MAP3K2: variants seen among roughly 807,000 people sequenced by gnomAD.
The protein encoded by MAP3K2 is mitogen-activated protein kinase kinase kinase 2.
In MAP3K2, 24 loss-of-function variants were observed where a neutral mutation model predicts 80.3. The observed-to-expected ratio is 0.30, with a 90% CI of 0.22 to 0.42. The LOEUF (loss-of-function observed/expected upper bound fraction) is 0.42, where lower values mean the gene tolerates loss of function less well. Among genes scored for constraint, MAP3K2 ranks in the 10% least tolerant of loss-of-function variants. MAP3K2 has a pLI of 1.00. For missense variants in MAP3K2, 608 were observed against 750.1 expected (o/e 0.81, Z 2.21); for synonymous variants, 244 against 253.7 (o/e 0.96, Z 0.36).
At position 127,307,548 on chromosome 2, in the gene MAP3K2, T is replaced by C; in HGVS notation, c.*31A>G. ...AGAAGGTGAATGAATAGATGGGAGC[T>C]AGGTAGAGGCACAGGAGAGGTTACT... On this transcript the variant is annotated 3_prime_UTR_variant, in exon 17 of 17. Coordinates refer to ENST00000682094, the MANE Select transcript of MAP3K2 (RefSeq NM_001371910.2). This position sits in a 1 kb window ranked among gnomAD's most constrained non-coding sequence, Gnocchi z 5.4. 7.0e-7 allele frequency: 1 copy of C among 1,436,044 alleles called. No individual in the cohort carries two copies. Among genetic ancestry groups the C allele is most frequent in the Non-Finnish European group, 9.6e-7 (1 of 1,043,646 alleles). The allele number at this position is 1,436,044 out of a possible 1,614,324, so 89.0% of individuals were successfully genotyped here.
intron 1 of MAP3K2, among the ~76,000 whole-genome samples, chr2:127,365,061 G>C (rs1389994303): frequency 7.6e-6 from 1 of 130,976 alleles, no homozygotes; most frequent in East Asian, 2.4e-4. Context: ...AGGTTGCAAT[G>C]AGCCGAGATC....
chr2:127,316,749 TA>T (rs1330282890), intron 14 of MAP3K2: 1 of 152,184 alleles, frequency 6.6e-6, no homozygotes. Context: ...GGATGCAACA[TA>T]AAGTACACAG....
At chr2:127,350,420 G>T (rs1686670241) in intron 1 of MAP3K2, among the ~76,000 whole-genome samples, 1 of 141,036 alleles carries the variant, frequency 7.1e-6, no homozygotes, top group African/African-American at 2.6e-5. Context: ...AGGGCGACAT[G>T]GCAAGATCCC....
rs895388605 is a variant in MAP3K2 at position 127,339,238 on chromosome 2, A to C, written c.5-188T>G. On this transcript the variant is annotated intron_variant, in intron 2 of 16. Transcript: ENST00000682094. The surrounding 1 kb of genome is among the most constrained non-coding windows in gnomAD (Gnocchi z 4.2). ...TAAAATTGCACTAGACTTAATCTCT[A>C]GCATCAGTCCACACATGAGACACTA... 6.6e-6 allele frequency among the ~76,000 whole-genome samples: 1 copy of C among 152,248 alleles called. No homozygotes were observed. Among genetic ancestry groups the C allele is most frequent in the African/African-American group, 2.4e-5 (1 of 41,480 alleles).
At chr2:127,348,448 A>G (rs1686635855) in intron 1 of MAP3K2, among the ~76,000 whole-genome samples, 2 of 152,190 alleles carry the variant, frequency 1.3e-5, no homozygotes, top group African/African-American at 4.8e-5. Context: ...GTACCTATAC[A>G]TGCTCCAACA....
rs959895344 is a variant in MAP3K2, at chr2:127,387,556, G to C, written c.-170C>G. ...CGGCCTGTCACCGCGGCCCCAGGTC[G>C]GGGGCTGCCGCAGGGCCCCCGGGGA... On this transcript the variant is annotated 5_prime_UTR_variant, in exon 1 of 17. Coordinates refer to ENST00000682094, the MANE Select transcript of MAP3K2 (RefSeq NM_001371910.2). The C allele has an allele frequency of 8.1e-6, 8 of 984,824 alleles. No individual in the cohort carries two copies. Among genetic ancestry groups the C allele is most frequent in the Non-Finnish European group, 9.6e-6 (8 of 829,714 alleles). 61.0% of individuals were successfully genotyped at this position (984,824 alleles called of 1,614,324 possible). A position where few individuals can be genotyped will look rare whatever the true frequency, so the allele number is the denominator to read the frequency against.
At chr2:127,341,231 C>T (rs377498668) in intron 2 of MAP3K2, among the ~76,000 whole-genome samples, 114 of 151,876 alleles carry the variant, frequency 7.5e-4, no homozygotes, top group African/African-American at 2.3e-3. Context: ...CCTCGTGATC[C>T]GCCTGCCTCG....
chr2:127,349,967 C>T (rs1186240918), intron 1 of MAP3K2, among the ~76,000 whole-genome samples: 1 of 152,022 alleles, frequency 6.6e-6, no homozygotes, highest in Non-Finnish European at 1.5e-5. Flanking sequence ...CTCAATCTCC[C>T]GGGCTTAAGC....
intron 1 of MAP3K2, among the ~76,000 whole-genome samples, chr2:127,357,559 GAAGA>G (rs1686818193): frequency 1.3e-5 from 2 of 152,118 alleles, no homozygotes; most frequent in South Asian, 2.1e-4. Context: ...GTTTGAAAAA[GAAGA>G]AAGAGAACTT....
At chr2:127,344,692 C>T (rs1686563077) in intron 1 of MAP3K2, among the ~76,000 whole-genome samples, 2 of 151,964 alleles carry the variant, frequency 1.3e-5, no homozygotes, top group African/African-American at 4.8e-5. Context: ...ATAAAATTAC[C>T]TTTAGCTATA....
chr2:127,311,109 G>A (rs1685800037), intron 15 of MAP3K2, among the ~76,000 whole-genome samples: 1 of 152,098 alleles, frequency 6.6e-6, no homozygotes, highest in African/African-American at 2.4e-5. Context: ...TGTTCTACCA[G>A]CAAATTCCCC....
At chr2:127,381,432 A>G (rs769082829) in intron 1 of MAP3K2, among the ~76,000 whole-genome samples, 30 of 152,052 alleles carry the variant, frequency 2.0e-4, no homozygotes, top group Non-Finnish European at 3.8e-4. Context: ...GTAACAAACG[A>G]TACTTTGAAT....
intron 1 of MAP3K2, among the ~76,000 whole-genome samples, chr2:127,355,067 T>C (rs998420293): frequency 6.6e-6 from 1 of 151,676 alleles, no homozygotes; most frequent in Non-Finnish European, 1.5e-5. Context: ...TAAGACAAAC[T>C]GAAAGGAGCC....
intron 1 of MAP3K2, among the ~76,000 whole-genome samples, chr2:127,352,259 TG>T (rs1259421529): frequency 1.3e-5 from 2 of 152,054 alleles, no homozygotes; most frequent in African/African-American, 4.8e-5. Context: ...ACTAACACAA[TG>T]GATGATCCCA....
upstream of MAP3K2, chr2:127,388,056 C>G (rs1359416171): frequency 1.0e-6 from 1 of 983,586 alleles, no homozygotes; most frequent in African/African-American, 1.8e-5. Flanking sequence ...GAACCCGCCG[C>G]GGGCGCGCGC....
At chr2:127,365,888 T>C (rs1686962562) in intron 1 of MAP3K2, among the ~76,000 whole-genome samples, 1 of 152,212 alleles carries the variant, frequency 6.6e-6, no homozygotes, top group Admixed American at 6.5e-5. Context: ...CCTTATTCCA[T>C]AATATCATAG....
At chr2:127,359,731 G>A (rs1015815596) in intron 1 of MAP3K2, among the ~76,000 whole-genome samples, 10 of 152,032 alleles carry the variant, frequency 6.6e-5, no homozygotes, top group African/African-American at 2.4e-4. Flanking sequence ...CCTGAGATCT[G>A]GACGTTTAAA....
chr2:127,351,305 T>C (rs771227500), intron 1 of MAP3K2, among the ~76,000 whole-genome samples: 30 of 152,162 alleles, frequency 2.0e-4, no homozygotes, highest in Admixed American at 7.2e-4. Context: ...AATATCCTTA[T>C]TGATAGCAAT....
At position 127,351,483 on chromosome 2, in the gene MAP3K2, T is replaced by C. The variant is rs79619467; in HGVS notation, c.-65-8289A>G. Among the ~76,000 whole-genome samples, 743 of 152,288 alleles carry C rather than the reference T, an allele frequency of 4.9e-3. 19 individuals are homozygous for C. The highest frequency in any genetic ancestry group is 0.039 in the East Asian group (201 of 5,194). On this transcript the variant is annotated intron_variant, in intron 1 of 16. Transcript: ENST00000682094. ...AAAAAAATCTATTCTTCTCCAGTCT[T>C]ATCAAGAAGCATCTCTATTTTTCCA...
Sources: allele counts gnomAD v4.1 joint callset (sites outside exome capture counted in the v4.1 genomes callset), GRCh38; gene constraint gnomAD v4.1.1; non-coding constraint Gnocchi (gnomAD v3.1); transcripts MANE v1.5; gene names NCBI Gene and HGNC (gene_info 2026-07-23, HGNC 2026-07-21).